Variants in TRIM44 observed in about 807,000 individuals in gnomAD.
TRIM44 encodes tripartite motif containing 44.
A neutral mutation model predicts 37.4 loss-of-function variants in TRIM44; 13 were observed. The ratio of observed to expected loss-of-function variants is 0.35; its 90% CI spans 0.23 to 0.55. TRIM44 has a LOEUF of 0.55. TRIM44 is among the 20% of genes least tolerant of loss of function. The probability of loss-of-function intolerance (pLI) is 0.89; values close to 1 mark genes in which losing one functional copy is unlikely to be tolerated. For synonymous variants in TRIM44, 175 were observed against 157.2 expected, an observed-to-expected ratio of 1.11 and a Z score of -0.85; for missense variants, 426 against 437.2, an observed-to-expected ratio of 0.97 and a Z score of 0.23.
At chr11:35,687,725 A>G (rs1229154017) in intron 2 of TRIM44, among the ~76,000 whole-genome samples, 1 of 152,226 alleles carries the variant, frequency 6.6e-6, no homozygotes, top group African/African-American at 2.4e-5. Flanking sequence ...GAGCGGTTGC[A>G]TGAGAGGAAT....
rs1267627234 is a variant in TRIM44, at chr11:35,662,961, G to C, written c.-151G>C. On this transcript the variant is annotated 5_prime_UTR_variant, in exon 1 of 5. Coordinates refer to ENST00000299413, the MANE Select transcript of TRIM44 (RefSeq NM_017583.6). ...GCTGCGCCCGGGCAGGGGCTGCCGC[G>C]GCCCCAGGTCCCGCTTCGAGACGCG... 1 of 1,305,326 alleles carries C rather than the reference G, an allele frequency of 7.7e-7. No individual in the cohort carries two copies. The highest frequency in any genetic ancestry group is 2.0e-5 in the South Asian group (1 of 48,884). 80.9% of individuals were successfully genotyped at this position (1,305,326 alleles called of 1,614,324 possible). A position where few individuals can be genotyped will look rare whatever the true frequency, so the allele number is the denominator to read the frequency against.
Position 35,806,362 on chromosome 11 carries a change from G to A in TRIM44, c.1012G>A (p.Ala338Thr). ...GGTTCTCCTTTTCCTTTGTAGTGGTGCCAGTGAAGAAGAGGACACATGAAG... is the reference window on the plus strand; with the variant it reads ...GGTTCTCCTTTTCCTTTGTAGTGGTACCAGTGAAGAAGAGGACACATGAAG... ...AEGDEEGPSGASEEEDT is the reference protein window; with the variant it reads ...AEGDEEGPSGTSEEEDT The change falls in exon 5 of 5, where the codon GCC becomes ACC. Residue 338 changes from alanine (A) to threonine (T), a missense_variant. This residue lies in a region of TRIM44 where 95 missense variants were observed against 134.2 expected (regional missense o/e 0.71). Transcript: ENST00000299413. 5 of 1,613,640 alleles carry A rather than the reference G, an allele frequency of 3.1e-6. No homozygotes were observed. The East Asian group carries it at 6.7e-5, about 22-fold the overall frequency.
At chr11:35,725,095 C>T (rs1228871877) in intron 2 of TRIM44, among the ~76,000 whole-genome samples, 1 of 151,890 alleles carries the variant, frequency 6.6e-6, no homozygotes, top group Non-Finnish European at 1.5e-5. Flanking sequence ...CACACACACA[C>T]ACACACACAC....
At chr11:35,706,087 C>G (rs1258714397) in intron 2 of TRIM44, among the ~76,000 whole-genome samples, 1 of 148,790 alleles carries the variant, frequency 6.7e-6, no homozygotes, top group Non-Finnish European at 1.5e-5. Context: ...GATATCACCA[C>G]CGATCCCACA....
chr11:35,664,686 T>C (rs1851312716), intron 1 of TRIM44, among the ~76,000 whole-genome samples: 1 of 152,234 alleles, frequency 6.6e-6, no homozygotes, highest in South Asian at 2.1e-4. Context: ...TTCCCTTTTT[T>C]AGTGCCTATT....
At position 35,810,022 on chromosome 11, in the gene TRIM44, G is replaced by A. The variant is rs771291427; in HGVS notation, c.*3637G>A. The A allele has an allele frequency of 3.3e-5, 5 of 152,138 alleles. No homozygotes were observed. Among genetic ancestry groups the A allele is most frequent in the Non-Finnish European group, 5.9e-5 (4 of 68,024 alleles). 9.4% of individuals were successfully genotyped at this position (152,138 alleles called of 1,614,324 possible). Reference sequence around the variant, plus strand: ...TTGGGGCTTAGGTACTTGCTTACAGGAAGAGCAATTCCCTAGCAAAGGTCA... The same window carrying A: ...TTGGGGCTTAGGTACTTGCTTACAGAAAGAGCAATTCCCTAGCAAAGGTCA... On this transcript the variant is annotated 3_prime_UTR_variant, in exon 5 of 5. Coordinates refer to ENST00000299413, the MANE Select transcript of TRIM44 (RefSeq NM_017583.6).
intron 2 of TRIM44, 57 bp downstream of exon 2, chr11:35,685,393 G>A: frequency 6.8e-7 from 1 of 1,461,822 alleles, no homozygotes; most frequent in South Asian, 1.2e-5. Flanking sequence ...CATTCTCCTT[G>A]AGCTAAAATT....
At chr11:35,703,887 G>A (rs1278549158) in intron 2 of TRIM44, among the ~76,000 whole-genome samples, 1 of 152,212 alleles carries the variant, frequency 6.6e-6, no homozygotes, top group Admixed American at 6.5e-5. Context: ...CTCCTCACCA[G>A]CAACGGAACA....
At chr11:35,742,379 A>G (rs970963189) in intron 4 of TRIM44, among the ~76,000 whole-genome samples, 2 of 144,676 alleles carry the variant, frequency 1.4e-5, no homozygotes, top group African/African-American at 2.5e-5. Flanking sequence ...ATATATATAT[A>G]TATGGTCTAT....
At chr11:35,773,783 C>G (rs979275581) in intron 4 of TRIM44, among the ~76,000 whole-genome samples, 10 of 152,140 alleles carry the variant, frequency 6.6e-5, no homozygotes, top group African/African-American at 1.4e-4. Flanking sequence ...CATCCATGTC[C>G]CTACAAAGGA....
At chr11:35,675,627 T>TTC (rs1286270063) in intron 1 of TRIM44, among the ~76,000 whole-genome samples, 1 of 152,144 alleles carries the variant, frequency 6.6e-6, no homozygotes, top group African/African-American at 2.4e-5. Context: ...GTTCAAGTGA[T>TTC]TCTCCTGCCT....
At chr11:35,746,850 T>C (rs1208483801) in intron 4 of TRIM44, among the ~76,000 whole-genome samples, 1 of 152,176 alleles carries the variant, frequency 6.6e-6, no homozygotes, top group African/African-American at 2.4e-5. Context: ...AAAAACATTT[T>C]CTTATATAAA....
chr11:35,713,659 A>G (rs1381019457), intron 2 of TRIM44, among the ~76,000 whole-genome samples: 1 of 152,154 alleles, frequency 6.6e-6, no homozygotes, highest in Non-Finnish European at 1.5e-5. Flanking sequence ...GAAACAGTGG[A>G]AGATGATTTT....
In TRIM44 at chr11:35,811,000, G is replaced by A. The variant is rs1325287541; in HGVS notation, c.*4615G>A. 1 of 152,110 alleles carries A rather than the reference G, an allele frequency of 6.6e-6. No homozygotes were observed. Among genetic ancestry groups the A allele is most frequent in the Non-Finnish European group, 1.5e-5 (1 of 67,998 alleles). The allele number at this position is 152,110 out of a possible 1,614,324, so 9.4% of individuals were successfully genotyped here. A position where few individuals can be genotyped will look rare whatever the true frequency, so the allele number is the denominator to read the frequency against. ...GATTTACTGCTATCCCAGGATGTTC[G>A]GACTTGGTGCCCCTGTGCATTTGGA... On this transcript the variant is annotated 3_prime_UTR_variant, in exon 5 of 5. Transcript: ENST00000299413.
At chr11:35,686,898 G>A (rs554231182) in intron 2 of TRIM44, among the ~76,000 whole-genome samples, 1 of 152,256 alleles carries the variant, frequency 6.6e-6, no homozygotes, top group South Asian at 2.1e-4. Flanking sequence ...CATCTCTAGA[G>A]CTTTTTTACT....
chr11:35,667,454 C>G (rs1851344745), intron 1 of TRIM44, among the ~76,000 whole-genome samples: 1 of 152,188 alleles, frequency 6.6e-6, no homozygotes, highest in East Asian at 1.9e-4. Context: ...ACTGTAATCT[C>G]AAATTCCTGG....
intron 4 of TRIM44, among the ~76,000 whole-genome samples, chr11:35,759,314 C>T (rs1259285467): frequency 2.6e-5 from 4 of 152,194 alleles, no homozygotes; most frequent in East Asian, 3.8e-4. Context: ...CTTGTGCATT[C>T]GTCACGTAGT....
intron 1 of TRIM44, among the ~76,000 whole-genome samples, chr11:35,672,754 G>A (rs1430083544): frequency 1.3e-5 from 2 of 152,164 alleles, no homozygotes; most frequent in Non-Finnish European, 2.9e-5. Flanking sequence ...AAGAAGCTCT[G>A]ACAGGGAGAC....
chr11:35,679,855 A>G (rs1411841703), intron 1 of TRIM44, among the ~76,000 whole-genome samples: 3 of 152,180 alleles, frequency 2.0e-5, no homozygotes, highest in African/African-American at 7.2e-5. Flanking sequence ...TCATTTACAG[A>G]TGGAAAAACA....
Sources: gnomAD v4.1 joint callset for allele counts (sites outside exome capture counted in the v4.1 genomes callset) on GRCh38, gnomAD v4.1.1 for gene constraint, gnomAD v4.1.1 regional missense constraint, MANE v1.5 for transcripts, NCBI Gene and HGNC (gene_info 2026-07-23, HGNC 2026-07-21) for gene names.